Variants in NOL4 observed in about 807,000 individuals in gnomAD.
NOL4 encodes nucleolar protein 4, also known as cancer/testis antigen 125.
A neutral mutation model predicts 75.9 loss-of-function variants in NOL4; 17 were observed. That is an observed-to-expected ratio of 0.22 (90% CI 0.15 to 0.34). The LOEUF (loss-of-function observed/expected upper bound fraction) is 0.34. Among genes scored for constraint, NOL4 ranks in the 10% least tolerant of loss-of-function variants. NOL4 has a pLI of 1.00. For synonymous variants in NOL4, 292 were observed against 289.9 expected (o/e 1.01, Z -0.07); for missense variants, 614 against 793.5 (o/e 0.77, Z 2.72).
intron 5 of NOL4, among the ~76,000 whole-genome samples, chr18:34,039,239 G>A (rs144638862): frequency 2.0e-5 from 3 of 152,008 alleles, no homozygotes; most frequent in African/African-American, 7.2e-5. Context: ...AAAAAGACAG[G>A]TTTATTACTA....
chr18:34,060,213 T>C (rs562191667), intron 5 of NOL4, among the ~76,000 whole-genome samples: 1 of 152,298 alleles, frequency 6.6e-6, no homozygotes, highest in East Asian at 1.9e-4. Context: ...TCCACCCCCA[T>C]ACTCACAGTC....
In NOL4 at chr18:34,168,397, A is replaced by G. The variant is rs141261285; in HGVS notation, c.265-38377T>C. 6.6e-3 allele frequency among the ~76,000 whole-genome samples: 1,001 copies of G among 151,816 alleles called. 18 individuals are homozygous for G. Among genetic ancestry groups the G allele is most frequent in the African/African-American group, 0.023 (955 of 41,544 alleles). On this transcript the variant is annotated intron_variant, in intron 1 of 10. Transcript: ENST00000261592. ...AGCCAGAAAATTAAGAAATTTTACC[A>G]TTCACAGACTTTAACTAAAGGAACT...
At chr18:34,015,964 G>A (rs1003635524) in intron 6 of NOL4, among the ~76,000 whole-genome samples, 5 of 152,014 alleles carry the variant, frequency 3.3e-5, no homozygotes, top group Non-Finnish European at 5.9e-5. Flanking sequence ...ATCTATGGAC[G>A]AGATAGTAAG....
intron 6 of NOL4, among the ~76,000 whole-genome samples, chr18:33,968,198 T>G (rs2070760658): frequency 6.6e-6 from 1 of 152,204 alleles, no homozygotes. Context: ...GTAAATGAGT[T>G]CAGCCACTGT....
At chr18:34,106,248 G>A (rs562835864) in intron 2 of NOL4, among the ~76,000 whole-genome samples, 4 of 152,134 alleles carry the variant, frequency 2.6e-5, no homozygotes, top group African/African-American at 9.6e-5. Context: ...TTCTCTTAGT[G>A]GTGATGGAGT....
intron 6 of NOL4, among the ~76,000 whole-genome samples, chr18:33,965,815 G>A (rs149585480): frequency 1.3e-5 from 2 of 152,116 alleles, no homozygotes; most frequent in African/African-American, 4.8e-5. Context: ...GAATTACCCA[G>A]TCTTGGGTAC....
intron 9 of NOL4, among the ~76,000 whole-genome samples, chr18:33,910,459 T>C (rs1439416092): frequency 2.0e-5 from 3 of 152,068 alleles, no homozygotes; most frequent in African/African-American, 7.2e-5. Context: ...ACCTGGATCC[T>C]GACAGACATT....
chr18:33,860,638 C>T (rs1006773982), intron 10 of NOL4, among the ~76,000 whole-genome samples: 5 of 150,950 alleles, frequency 3.3e-5, no homozygotes, highest in African/African-American at 1.2e-4. Flanking sequence ...CTTCTCCTGC[C>T]TAATTGCCCT....
At chr18:34,162,941 CA>C (rs2031740915) in intron 1 of NOL4, among the ~76,000 whole-genome samples, 1 of 152,144 alleles carries the variant, frequency 6.6e-6, no homozygotes, top group Non-Finnish European at 1.5e-5. Flanking sequence ...TCAACATACG[CA>C]AATCAATAAA....
intron 5 of NOL4, among the ~76,000 whole-genome samples, chr18:34,031,181 C>T (rs1335331213): frequency 1.3e-5 from 2 of 152,146 alleles, no homozygotes; most frequent in Non-Finnish European, 1.5e-5. Context: ...TCCCAGGACT[C>T]AAGCTCTGAG....
At chr18:33,989,245 G>A (rs906403708) in intron 6 of NOL4, among the ~76,000 whole-genome samples, 2 of 147,882 alleles carry the variant, frequency 1.4e-5, no homozygotes, top group South Asian at 4.4e-4. Flanking sequence ...TCTGAATGAA[G>A]GCCTAAAATA....
At chr18:33,943,239 G>T in intron 8 of NOL4, 61 bp from the exon 9 acceptor site, 1 of 1,088,132 alleles carries the variant, frequency 9.2e-7, no homozygotes, top group Non-Finnish European at 1.4e-6. Context: ...ACAGGCCAAT[G>T]CTATTCTCAG....
intron 6 of NOL4, among the ~76,000 whole-genome samples, chr18:33,972,640 G>A (rs2071164744): frequency 6.6e-6 from 1 of 152,150 alleles, no homozygotes; most frequent in South Asian, 2.1e-4. Context: ...TGGAGATATT[G>A]CAGGTTGGGT....
At chr18:34,152,162 A>G (rs1338044375) in intron 1 of NOL4, among the ~76,000 whole-genome samples, 2 of 151,928 alleles carry the variant, frequency 1.3e-5, no homozygotes, top group East Asian at 3.8e-4. Flanking sequence ...GTTATTTTTA[A>G]AAAGAAAGAA....
intron 9 of NOL4, among the ~76,000 whole-genome samples, chr18:33,923,125 T>C (rs1021551508): frequency 2.6e-5 from 4 of 152,100 alleles, no homozygotes; most frequent in African/African-American, 9.6e-5. Flanking sequence ...TGGAAGTATA[T>C]ATTGATTGAG....
intron 2 of NOL4, chr18:34,128,784 CA>C: frequency 1.6e-6 from 1 of 618,964 alleles, no homozygotes; most frequent in Non-Finnish European, 2.0e-6. Flanking sequence ...GGAAATATAG[CA>C]AAAAATAGTT....
intron 2 of NOL4, among the ~76,000 whole-genome samples, chr18:34,127,244 A>G (rs1489072272): frequency 1.3e-5 from 2 of 151,946 alleles, no homozygotes; most frequent in Non-Finnish European, 2.9e-5. Flanking sequence ...AAGTTAATCC[A>G]ACATTAAAGG....
intron 1 of NOL4, among the ~76,000 whole-genome samples, chr18:34,198,877 G>C (rs1486741192): frequency 6.6e-6 from 1 of 151,766 alleles, no homozygotes; most frequent in Non-Finnish European, 1.5e-5. Flanking sequence ...ACAAGCTCAA[G>C]TTCAAGTTCA....
At chr18:34,064,344 C>T (rs2077180872) in intron 5 of NOL4, among the ~76,000 whole-genome samples, 1 of 151,928 alleles carries the variant, frequency 6.6e-6, no homozygotes, top group Non-Finnish European at 1.5e-5. Flanking sequence ...AATAATACTG[C>T]AGTTGTACTC....
Sources: allele counts gnomAD v4.1 joint callset (sites outside exome capture counted in the v4.1 genomes callset), GRCh38; gene constraint gnomAD v4.1.1; transcripts MANE v1.5; gene names NCBI Gene and HGNC (gene_info 2026-07-23, HGNC 2026-07-21).